Variants in RAVER2 observed in about 807,000 individuals in gnomAD.
RAVER2 encodes ribonucleoprotein, PTB binding 2.
In RAVER2, 46 loss-of-function variants were observed where a neutral mutation model predicts 78.1. The observed-to-expected ratio is 0.59, with a 90% CI of 0.46 to 0.75. The LOEUF (loss-of-function observed/expected upper bound fraction) is 0.75. Ranked by LOEUF, RAVER2 falls within the 30% of genes least tolerant of loss-of-function variation. RAVER2 has a pLI of 0.00. For synonymous variants in RAVER2, 311 were observed against 313.3 expected, an observed-to-expected ratio of 0.99 and a Z score of 0.08; for missense variants, 793 against 837.5, an observed-to-expected ratio of 0.95 and a Z score of 0.66.
chr1:64,814,729 TA>T lies in RAVER2; in HGVS notation c.1820del (p.Lys607ArgfsTer41). The T allele has an allele frequency of 1.3e-6, 2 of 1,558,250 alleles. No individual in the cohort carries two copies. The highest frequency in any genetic ancestry group is 1.7e-6 in the Non-Finnish European group (2 of 1,150,600). On this transcript the variant is annotated frameshift_variant, in exon 11 of 12. Coordinates refer to ENST00000294428, the Ensembl canonical transcript of RAVER2. LOFTEE classifies it high-confidence loss of function. Reference sequence around the variant, plus strand: ...CCCCTGCAAGTAAAACCACTCTTCATAAGACTGGAATTGCAAGCAGCATTCT... The same window carrying T: ...CCCCTGCAAGTAAAACCACTCTTCATAGACTGGAATTGCAAGCAGCATTCT...
intron 4 of RAVER2, among the ~76,000 whole-genome samples, chr1:64,786,744 G>A (rs942705731): frequency 4.0e-5 from 6 of 151,420 alleles, no homozygotes; most frequent in Admixed American, 2.6e-4. Context: ...AGTGAACCGA[G>A]ATCACACCAT....
intron 11 of RAVER2, among the ~76,000 whole-genome samples, chr1:64,818,667 GGT>G (rs1653813720): frequency 6.6e-6 from 1 of 152,166 alleles, no homozygotes; most frequent in Non-Finnish European, 1.5e-5. Flanking sequence ...ATCACTGTAT[GGT>G]ATTTGTGTTT....
At chr1:64,831,173 G>A in exon 12 of RAVER2, 1 of 475,606 alleles carries the variant, frequency 2.1e-6, no homozygotes, top group Non-Finnish European at 3.5e-6. Context: ...ATCAATTGAG[G>A]ACATTTTCCA....
chr1:64,808,267 C>T (rs1436272842), intron 9 of RAVER2, among the ~76,000 whole-genome samples: 1 of 151,906 alleles, frequency 6.6e-6, no homozygotes, highest in African/African-American at 2.4e-5. Context: ...CTAAAATACA[C>T]TGTGGTTTGT....
At chr1:64,790,662 C>T (rs557079273) in intron 5 of RAVER2, among the ~76,000 whole-genome samples, 86 of 152,108 alleles carry the variant, frequency 5.7e-4, no homozygotes, top group Admixed American at 8.5e-4. Context: ...TTGAACATAG[C>T]GTATATAAAT....
chr1:64,832,729 T>TAAG (rs1461966284), exon 12 of RAVER2: 1 of 152,160 alleles, frequency 6.6e-6, no homozygotes, highest in Non-Finnish European at 1.5e-5. Flanking sequence ...AGGTAATTTC[T>TAAG]AAGTATACTA....
Position 64,752,917 on chromosome 1 carries a change from G to A in RAVER2, c.249+7496G>A, listed in dbSNP as rs193024594. Among the ~76,000 whole-genome samples the A allele has an allele frequency of 5.9e-5, 9 of 152,294 alleles. No individual in the cohort carries two copies. The East Asian group carries it at 1.5e-3, about 26-fold the overall frequency. ...TCATTAAGGGAGCAGACATGCAAAG[G>A]AGGACTGACCTTGGAGGGGAAATGT... is the stretch of plus-strand genomic sequence containing the variant. On this transcript the variant is annotated intron_variant, in intron 1 of 11. Transcript: ENST00000294428.
At chr1:64,752,858 T>C (rs553823372) in intron 1 of RAVER2, among the ~76,000 whole-genome samples, 2 of 152,118 alleles carry the variant, frequency 1.3e-5, no homozygotes, top group South Asian at 2.1e-4. Flanking sequence ...TGGATATGAA[T>C]GCAGAGACAT....
chr1:64,805,025 T>C (rs1337868682), exon 8 of RAVER2: 1 of 1,614,024 alleles, frequency 6.2e-7, no homozygotes, highest in East Asian at 2.2e-5. Context: ...CCAGCTGTGG[T>C]ACTTCAGACT....
chr1:64,812,825 G>A, exon 10 of RAVER2: 2 of 1,610,528 alleles, frequency 1.2e-6, no homozygotes, highest in South Asian at 1.1e-5. Context: ...TTTGGCAAGT[G>A]TGTTGCCCAG....
intron 8 of RAVER2, 116 bp from the exon 9 acceptor site, chr1:64,807,090 T>C: frequency 8.1e-7 from 1 of 1,235,920 alleles, no homozygotes; most frequent in Non-Finnish European, 1.1e-6. Context: ...TGCTGTTATC[T>C]AACAGGTACA....
intron 1 of RAVER2, among the ~76,000 whole-genome samples, chr1:64,749,368 G>A (rs1651632420): frequency 6.6e-6 from 1 of 151,556 alleles, no homozygotes; most frequent in Non-Finnish European, 1.5e-5. Context: ...GTGCCACCAC[G>A]CTCGGCTAAT....
rs761467765 is a variant in RAVER2, at chr1:64,781,372, T to C, written c.787-8T>C. 5 of 1,564,414 alleles carry C rather than the reference T, an allele frequency of 3.2e-6. No homozygotes were observed. The highest frequency in any genetic ancestry group is 2.7e-5 in the African/African-American group (2 of 73,480). ...GGAATTACTGTTTAATAGAATGTAT[T>C]GTATCAGCTTGCACAGGATGAAGGT... On this transcript the variant is annotated splice_region_variant and splice_polypyrimidine_tract_variant and intron_variant, in intron 3 of 11. Transcript: ENST00000294428.
chr1:64,815,780 C>G (rs1207739224), intron 11 of RAVER2: 1 of 152,132 alleles, frequency 6.6e-6, no homozygotes, highest in Non-Finnish European at 1.5e-5. Flanking sequence ...AATGGTGCAG[C>G]TGGATATTAG....
At chr1:64,749,313 C>T (rs1447749441) in intron 1 of RAVER2, among the ~76,000 whole-genome samples, 2 of 152,104 alleles carry the variant, frequency 1.3e-5, no homozygotes, top group Admixed American at 6.6e-5. Flanking sequence ...TGGGTTCAAG[C>T]GATTCTTCTG....
intron 1 of RAVER2, among the ~76,000 whole-genome samples, chr1:64,754,571 T>C (rs1359015846): frequency 2.0e-5 from 3 of 152,224 alleles, no homozygotes; most frequent in African/African-American, 4.8e-5. Context: ...CATTCACTTA[T>C]AATTATTCAA....
intron 11 of RAVER2, among the ~76,000 whole-genome samples, chr1:64,827,593 T>C (rs1278054266): frequency 6.6e-6 from 1 of 152,214 alleles, no homozygotes; most frequent in Non-Finnish European, 1.5e-5. Flanking sequence ...ACTAGAATAT[T>C]ATAGCTTCTC....
chr1:64,764,595 CAAAT>C (rs1372116638), intron 1 of RAVER2, among the ~76,000 whole-genome samples: 1 of 152,156 alleles, frequency 6.6e-6, no homozygotes, highest in Non-Finnish European at 1.5e-5. Context: ...CAAAATCCCA[CAAAT>C]AAACACAATG....
intron 5 of RAVER2, among the ~76,000 whole-genome samples, chr1:64,796,404 A>G (rs1025857755): frequency 6.6e-6 from 1 of 152,042 alleles, no homozygotes; most frequent in Non-Finnish European, 1.5e-5. Flanking sequence ...AGCTGTGTCA[A>G]ATTTTTTAAG....
Sources: allele counts gnomAD v4.1 joint callset (sites outside exome capture counted in the v4.1 genomes callset), GRCh38; gene constraint gnomAD v4.1.1; transcripts MANE v1.5; gene names NCBI Gene and HGNC (gene_info 2026-07-23, HGNC 2026-07-21).